The following CENPF variants were observed in gnomAD, a reference collection of about 807,000 sequenced individuals.
CENPF encodes the protein AH antigen.
Under a neutral mutation model 307.3 loss-of-function variants are expected in CENPF, and 214 were observed. The ratio of observed to expected loss-of-function variants is 0.70; its 90% CI spans 0.62 to 0.78. The LOEUF (loss-of-function observed/expected upper bound fraction) is 0.78, where lower values mean the gene tolerates loss of function less well. CENPF is among the 30% of genes least tolerant of loss of function. CENPF has a pLI of 0.00. For missense variants in CENPF, 3,401 were observed against 3,483.9 expected, an observed-to-expected ratio of 0.98 and a Z score of 0.60; for synonymous variants, 1,259 against 1,270.6, an observed-to-expected ratio of 0.99 and a Z score of 0.19.
At position 214,658,982 on chromosome 1, in the gene CENPF, T is replaced by G; in HGVS notation, c.9095T>G (p.Leu3032Arg). Residue 3032 changes from leucine (L) to arginine (R), a missense_variant, in exon 19 of 20, where the codon CTT becomes CGT. Physicochemically the swap from Leu to Arg is moderately radical, Grantham distance 102. Coordinates refer to ENST00000366955, the MANE Select transcript of CENPF (RefSeq NM_016343.4). ...CCACTGAGTCTCGGCAAAGAAAATC[T>G]TGCAGAGTCCTCCAAACCAACAGCT... Reference protein sequence around the residue: ...LSPLSLGKENLAESSKPTAGG... With the variant: ...LSPLSLGKENRAESSKPTAGG... The G allele has an allele frequency of 6.2e-7, 1 of 1,614,098 alleles. No individual in the cohort carries two copies. The highest frequency in any genetic ancestry group is 1.3e-5 in the African/African-American group (1 of 75,018).
chr1:214,644,437 T>TTTAAGAGATGTG (rs1400417647), intron 12 of CENPF, 120 bp from the exon 13 acceptor site: 62 of 905,216 alleles, frequency 6.8e-5, no homozygotes, highest in Middle Eastern at 3.2e-4. Context: ...AATTCACCAC[T>TTTAAGAGATGTG]TTAAGAGATG....
intron 16 of CENPF, among the ~76,000 whole-genome samples, chr1:214,654,665 T>G (rs1658582325): frequency 6.6e-6 from 1 of 152,140 alleles, no homozygotes; most frequent in African/African-American, 2.4e-5. Context: ...TCTTTTTTTT[T>G]GATTTGGGAA....
At chr1:214,613,024 G>A (rs762475982) in intron 1 of CENPF, 2 of 333,468 alleles carry the variant, frequency 6.0e-6, no homozygotes, top group Non-Finnish European at 1.1e-5. Flanking sequence ...ACATCATTAG[G>A]CACCAAAGCT....
In CENPF at chr1:214,641,828, C is replaced by T. The variant is rs1350515838; in HGVS notation, c.3490C>T (p.His1164Tyr). ...EQLMKVMKTK[H>Y]ECQNLESEPI... ...GCTGATGAAGGTAATGAAGACTAAA[C>T]ATGAATGTCAAAATCTAGAATCAGA... Residue 1164 changes from histidine (H) to tyrosine (Y), a missense_variant, in exon 12 of 20, where the codon CAT becomes TAT. Coordinates refer to ENST00000366955, the MANE Select transcript of CENPF (RefSeq NM_016343.4). 1.9e-6 allele frequency: 3 copies of T among 1,608,774 alleles called. No homozygotes were observed. The highest frequency in any genetic ancestry group is 2.5e-6 in the Non-Finnish European group (3 of 1,178,854).
At chr1:214,611,427 G>A (rs1657197495) in intron 1 of CENPF, among the ~76,000 whole-genome samples, 1 of 151,804 alleles carries the variant, frequency 6.6e-6, no homozygotes, top group Non-Finnish European at 1.5e-5. Flanking sequence ...GTGCAGTGGT[G>A]CGATCTCAGC....
At chr1:214,650,641 C>T (rs968376562) in intron 14 of CENPF, among the ~76,000 whole-genome samples, 1 of 152,138 alleles carries the variant, frequency 6.6e-6, no homozygotes, top group Non-Finnish European at 1.5e-5. Context: ...GTGGCTCATG[C>T]CTGTAATCCC....
Position 214,658,926 on chromosome 1 carries a change from C to G in CENPF, c.9039C>G (p.Pro3013=). The change falls in exon 19 of 20, where the codon CCC becomes CCG. Residue 3013 remains proline, a synonymous_variant. Transcript: ENST00000366955. ...CAACCATGGCAACTCGGACCAGCCCCCGCCTGGCTGCACAGAAGTTAGCGC... is the reference window on the plus strand; with the variant it reads ...CAACCATGGCAACTCGGACCAGCCCGCGCCTGGCTGCACAGAAGTTAGCGC... ...RRTTMATRTS[P]RLAAQKLALS... 6.2e-7 allele frequency: 1 copy of G among 1,614,082 alleles called. No homozygotes were observed. The highest frequency in any genetic ancestry group is 8.5e-7 in the Non-Finnish European group (1 of 1,179,990).
At chr1:214,609,500 G>A (rs1233540747) in intron 1 of CENPF, among the ~76,000 whole-genome samples, 3 of 152,046 alleles carry the variant, frequency 2.0e-5, no homozygotes, top group Non-Finnish European at 2.9e-5. Flanking sequence ...AGGGAAAGAG[G>A]AGCATATGCA....
In CENPF at chr1:214,632,581, T is replaced by C. The variant is rs1657838861; in HGVS notation, c.1425T>C (p.Asn475=). Residue 475 remains asparagine (N), a synonymous_variant, in exon 10 of 20, where the codon AAT becomes AAC. Transcript: ENST00000366955. ...TCCAGGCGAGTCAGATCAAGGAGAA[T>C]GAGCTGAGGAGAAGCATGGAGGTAA... The part of the protein sequence containing the change: ...QAFQASQIKE[N]ELRRSMEEMK... 29 of 1,613,928 alleles carry C rather than the reference T, an allele frequency of 1.8e-5. No homozygotes were observed. The highest frequency in any genetic ancestry group is 2.5e-5 in the Non-Finnish European group (29 of 1,179,896).
chr1:214,613,050 T>G (rs1192867768), intron 1 of CENPF: 1 of 338,160 alleles, frequency 3.0e-6, no homozygotes, highest in East Asian at 7.7e-5. Flanking sequence ...AGGACAACTT[T>G]GATGCTACAT....
At chr1:214,650,032 A>C (rs1026328669) in intron 14 of CENPF, among the ~76,000 whole-genome samples, 58 of 152,346 alleles carry the variant, frequency 3.8e-4, no homozygotes, top group African/African-American at 1.3e-3. Context: ...TAAGCGGATA[A>C]ATACTATAAA....
In CENPF at chr1:214,620,781, A is replaced by G. The variant is rs1657483825; in HGVS notation, c.700A>G (p.Arg234Gly). Residue 234 changes from arginine to glycine, a missense_variant, in exon 6 of 20, where the codon AGA (arginine) becomes GGA (glycine). Physicochemically the swap from Arg to Gly is moderately radical, Grantham distance 125. Transcript: ENST00000366955. ...TPSHLSSNSQ[R>G]TPIRRDFSAS... Reference sequence around the variant, plus strand: ...AAGTCATCTTTCATCTAATTCTCAAAGAACTCCAATTAGGAGAGATTTCTC... The same window carrying G: ...AAGTCATCTTTCATCTAATTCTCAAGGAACTCCAATTAGGAGAGATTTCTC... 1.2e-6 allele frequency: 2 copies of G among 1,614,194 alleles called. No homozygotes were observed. Among genetic ancestry groups the G allele is most frequent in the South Asian group, 2.2e-5 (2 of 91,082 alleles).
In CENPF at chr1:214,620,763, C is replaced by G; in HGVS notation, c.682C>G (p.Leu228Val). The G allele has an allele frequency of 3.7e-6, 6 of 1,614,174 alleles. No homozygotes were observed. Among genetic ancestry groups the G allele is most frequent in the Non-Finnish European group, 5.1e-6 (6 of 1,180,038 alleles). ...SWQQEKTPSHLSSNSQRTPIR... is the reference protein window; with the variant it reads ...SWQQEKTPSHVSSNSQRTPIR... Reference sequence around the variant, plus strand: ...GCAGCAAGAGAAGACCCCAAGTCATCTTTCATCTAATTCTCAAAGAACTCC... The same window carrying G: ...GCAGCAAGAGAAGACCCCAAGTCATGTTTCATCTAATTCTCAAAGAACTCC... The change falls in exon 6 of 20, where the codon CTT (leucine) becomes GTT (valine). Residue 228 changes from leucine to valine, a missense_variant. Physicochemically the swap from Leu to Val is conservative, Grantham distance 32. Coordinates refer to ENST00000366955, the MANE Select transcript of CENPF (RefSeq NM_016343.4).
chr1:214,616,295 A>G (rs1004980453), intron 3 of CENPF, among the ~76,000 whole-genome samples: 3 of 152,218 alleles, frequency 2.0e-5, no homozygotes, highest in African/African-American at 7.2e-5. Flanking sequence ...GGAAAAGAGA[A>G]TAAGATACGA....
At chr1:214,661,632 G>A (rs1031541454) in intron 19 of CENPF, among the ~76,000 whole-genome samples, 7 of 152,128 alleles carry the variant, frequency 4.6e-5, no homozygotes, top group South Asian at 2.1e-4. Context: ...GGAACCCCTC[G>A]TTTGTTGGGA....
At position 214,645,601 on chromosome 1, in the gene CENPF, G is replaced by A. The variant is rs1258703980; in HGVS notation, c.6031G>A (p.Glu2011Lys). The A allele has an allele frequency of 4.3e-6, 7 of 1,614,134 alleles. No individual in the cohort carries two copies. The highest frequency in any genetic ancestry group is 1.6e-4 in the Middle Eastern group (1 of 6,062). Residue 2011 changes from glutamate to lysine, a missense_variant, in exon 13 of 20, where the codon GAA becomes AAA. Glu to Lys is a moderately conservative substitution (Grantham distance 56). Coordinates refer to ENST00000366955, the MANE Select transcript of CENPF (RefSeq NM_016343.4). The part of the protein sequence containing the change: ...CIQVAEAEVK[E>K]KTELLQTLSS... ...TCAGGTGGCAGAGGCAGAGGTGAAG[G>A]AAAAGACGGAACTCCTTCAGACTTT...
intron 1 of CENPF, chr1:214,608,916 G>T (rs1334893065): frequency 1.3e-5 from 18 of 1,359,956 alleles, no homozygotes; most frequent in Non-Finnish European, 1.7e-5. Context: ...GGCAGGGGAG[G>T]GGTGGGGGTG....
chr1:214,636,753 G>A (rs1328159480), intron 10 of CENPF, among the ~76,000 whole-genome samples: 1 of 152,166 alleles, frequency 6.6e-6, no homozygotes, highest in Non-Finnish European at 1.5e-5. Context: ...TTAAGATTCA[G>A]AATTTTTCCT....
intron 1 of CENPF, chr1:214,605,456 T>TTA: frequency 1.9e-6 from 1 of 516,692 alleles, no homozygotes; most frequent in Non-Finnish European, 3.4e-6. Context: ...TTTTTTTTTT[T>TTA]AAATTTTAAA....
Sources: allele counts gnomAD v4.1 joint callset (sites outside exome capture counted in the v4.1 genomes callset), GRCh38; gene constraint gnomAD v4.1.1; transcripts MANE v1.5; gene names NCBI Gene and HGNC (gene_info 2026-07-23, HGNC 2026-07-21).